HDAC9: variants seen among roughly 807,000 people sequenced by gnomAD.
HDAC9 encodes the protein MEF-2 interacting transcription repressor (MITR) protein.
A neutral mutation model predicts 139.4 loss-of-function variants in HDAC9; 41 were observed. That is an observed-to-expected ratio of 0.29 (90% CI 0.23 to 0.38). The LOEUF is 0.38. Ranked by LOEUF, HDAC9 falls within the 10% of genes least tolerant of loss-of-function variation. The pLI is 1.00. For missense variants in HDAC9, 1,147 were observed against 1,297.0 expected, an observed-to-expected ratio of 0.88 and a Z score of 1.78; for synonymous variants, 517 against 476.2, an observed-to-expected ratio of 1.09 and a Z score of -1.12.
chr7:18,270,199 A>G (rs1466348111), intron 2 of HDAC9, among the ~76,000 whole-genome samples: 9 of 151,908 alleles, frequency 5.9e-5, no homozygotes, highest in Non-Finnish European at 1.3e-4. Context: ...AACTCCTAGC[A>G]AGTGGTATTG....
At chr7:18,677,301 A>T (rs1015692397) in intron 12 of HDAC9, among the ~76,000 whole-genome samples, 6 of 151,772 alleles carry the variant, frequency 4.0e-5, no homozygotes, top group Admixed American at 3.3e-4. Context: ...AGATCCTTCC[A>T]TGTATGTACC....
intron 21 of HDAC9, among the ~76,000 whole-genome samples, chr7:18,847,975 C>T (rs1797022334): frequency 6.6e-6 from 1 of 152,270 alleles, no homozygotes; most frequent in South Asian, 2.1e-4. Flanking sequence ...GTATATTTTG[C>T]ATTATTTAAG....
chr7:18,200,986 G>A (rs1791076371), intron 2 of HDAC9, among the ~76,000 whole-genome samples: 1 of 152,150 alleles, frequency 6.6e-6, no homozygotes, highest in African/African-American at 2.4e-5. Context: ...ATCATAGAAT[G>A]CTGGAGCCTG....
chr7:18,093,777 T>C (rs190221124), intron 1 of HDAC9, among the ~76,000 whole-genome samples: 1 of 152,304 alleles, frequency 6.6e-6, no homozygotes, highest in East Asian at 1.9e-4. Flanking sequence ...GAGACATTCT[T>C]CCTTTGTTCT....
intron 11 of HDAC9, among the ~76,000 whole-genome samples, chr7:18,652,261 T>C (rs565555843): frequency 6.6e-6 from 1 of 152,218 alleles, no homozygotes; most frequent in African/African-American, 2.4e-5. Flanking sequence ...CACCTTGCTT[T>C]TCTGATTGGA....
intron 1 of HDAC9, among the ~76,000 whole-genome samples, chr7:18,293,297 A>T (rs149343015): frequency 3.1e-4 from 39 of 126,556 alleles, no homozygotes; most frequent in African/African-American, 1.5e-3. Flanking sequence ...GTTATGTCAC[A>T]TTCTTAGATT....
upstream of HDAC9, among the ~76,000 whole-genome samples, chr7:18,285,692 T>C (rs1382224071): frequency 6.6e-6 from 1 of 152,082 alleles, no homozygotes; most frequent in African/African-American, 2.4e-5. Context: ...ACCAGTGAAG[T>C]TGAGTGTTAT....
intron 2 of HDAC9, among the ~76,000 whole-genome samples, chr7:18,175,768 A>ACCCCC (rs57980430): frequency 8.9e-6 from 1 of 112,728 alleles, no homozygotes; most frequent in African/African-American, 3.3e-5. Context: ...ATTATTTTTA[A>ACCCCC]CCCCCCCCCC....
chr7:18,626,464 C>T (rs1006537780), intron 6 of HDAC9, among the ~76,000 whole-genome samples: 4 of 152,164 alleles, frequency 2.6e-5, no homozygotes, highest in African/African-American at 9.7e-5. Context: ...GAAAATCCCT[C>T]CAACATCCCC....
intron 2 of HDAC9, among the ~76,000 whole-genome samples, chr7:18,179,651 ATCTGTTTAT>A (rs1789230313): frequency 6.6e-6 from 1 of 152,042 alleles, no homozygotes; most frequent in Non-Finnish European, 1.5e-5. Flanking sequence ...TTATTACCTT[ATCTGTTTAT>A]CTATTAATGA....
chr7:18,782,940 T>C (rs966128919), intron 16 of HDAC9, among the ~76,000 whole-genome samples: 3 of 152,096 alleles, frequency 2.0e-5, no homozygotes, highest in Non-Finnish European at 4.4e-5. Context: ...ACAAAATAGA[T>C]AAGGTGCCAT....
rs556894292 is a variant in HDAC9, at chr7:18,397,315, C to T, written c.-41-98947C>T. 3.3e-5 allele frequency among the ~76,000 whole-genome samples: 5 copies of T among 152,182 alleles called. No individual in the cohort carries two copies. The Middle Eastern group carries it at 0.01, about 311-fold the overall frequency. ...ACCTAAGAACTTTGTTGGTAAAAAT[C>T]CACTGTATTTTCAACTCAGAATGCA... On this transcript the variant is annotated intron_variant, in intron 1 of 3. Transcript: ENST00000413509.
intron 16 of HDAC9, 54 bp from the exon 17 acceptor site, chr7:18,793,291 C>G (rs1445114623): frequency 4.6e-5 from 57 of 1,247,564 alleles, no homozygotes; most frequent in Non-Finnish European, 9.2e-6. Flanking sequence ...TTCATCTCTT[C>G]CTTCTCTTTC....
At chr7:18,761,780 A>C (rs953766079) in intron 14 of HDAC9, among the ~76,000 whole-genome samples, 2 of 152,182 alleles carry the variant, frequency 1.3e-5, no homozygotes, top group African/African-American at 4.8e-5. Context: ...GTGTGTTCTA[A>C]CAACTTCTTT....
At chr7:18,349,307 T>TACAC (rs3138825) in intron 1 of HDAC9, among the ~76,000 whole-genome samples, 5,574 of 125,696 alleles carry the variant, frequency 0.044, 155 homozygotes, top group East Asian at 0.064. Flanking sequence ...TGAGAACATC[T>TACAC]ACACACACAC....
At chr7:18,662,571 G>A (rs1396503622) in intron 11 of HDAC9, among the ~76,000 whole-genome samples, 1 of 152,074 alleles carries the variant, frequency 6.6e-6, no homozygotes, top group East Asian at 1.9e-4. Flanking sequence ...GGTTGACTGA[G>A]ATAGGAGTGC....
intron 12 of HDAC9, among the ~76,000 whole-genome samples, chr7:18,687,186 T>C (rs1387322024): frequency 1.3e-5 from 2 of 151,830 alleles, no homozygotes; most frequent in African/African-American, 2.4e-5. Flanking sequence ...GTTATTTCTG[T>C]ATATACACAT....
At chr7:18,445,757 T>A (rs1484973214) in intron 1 of HDAC9, among the ~76,000 whole-genome samples, 1 of 152,214 alleles carries the variant, frequency 6.6e-6, no homozygotes, top group Non-Finnish European at 1.5e-5. Context: ...ATCAAAAACC[T>A]CCTTTTATGC....
intron 1 of HDAC9, among the ~76,000 whole-genome samples, chr7:18,137,961 T>G (rs555272616): frequency 1.1e-4 from 17 of 151,872 alleles, no homozygotes; most frequent in Admixed American, 5.2e-4. Context: ...GGTAAGCTAT[T>G]GATTATTGCC....
Sources: gnomAD v4.1 joint callset for allele counts (sites outside exome capture counted in the v4.1 genomes callset) on GRCh38, gnomAD v4.1.1 for gene constraint, MANE v1.5 for transcripts, NCBI Gene and HGNC (gene_info 2026-07-23, HGNC 2026-07-21) for gene names.